VPS13D: variants seen among roughly 807,000 people sequenced by gnomAD.
VPS13D encodes intermembrane lipid transfer protein VPS13D.
VPS13D carries 187 observed loss-of-function variants against 461.9 expected under a neutral mutation model. The ratio of observed to expected loss-of-function variants is 0.40; its 90% CI spans 0.36 to 0.46. The LOEUF (loss-of-function observed/expected upper bound fraction) is 0.46, where lower values mean the gene tolerates loss of function less well. Ranked by LOEUF, VPS13D falls within the 20% of genes least tolerant of loss-of-function variation. The pLI, the probability that VPS13D is intolerant of heterozygous loss-of-function variation, is 0.60. For synonymous variants in VPS13D, 1,951 were observed against 1,986.3 expected, an observed-to-expected ratio of 0.98 and a Z score of 0.47; for missense variants, 4,711 against 5,364.9, an observed-to-expected ratio of 0.88 and a Z score of 3.81.
intron 67 of VPS13D, among the ~76,000 whole-genome samples, chr1:12,471,749 G>A (rs996903215): frequency 4.6e-5 from 7 of 152,088 alleles, no homozygotes; most frequent in Admixed American, 3.9e-4. Flanking sequence ...CTTTGATGAT[G>A]TTTCCTTTTT....
intron 40 of VPS13D, among the ~76,000 whole-genome samples, chr1:12,339,254 T>C (rs1438222610): frequency 6.6e-6 from 1 of 152,230 alleles, no homozygotes; most frequent in Non-Finnish European, 1.5e-5. Context: ...ATTATTCCTA[T>C]TTAGCTGATA....
intron 66 of VPS13D, among the ~76,000 whole-genome samples, chr1:12,458,037 T>C (rs1645353407): frequency 6.6e-6 from 1 of 152,200 alleles, no homozygotes; most frequent in Admixed American, 6.5e-5. Context: ...TCTCCTCACT[T>C]TCTGGATGAA....
intron 36 of VPS13D, 95 bp from the exon 37 acceptor site, chr1:12,329,734 G>T: frequency 1.2e-6 from 1 of 831,296 alleles, no homozygotes; most frequent in South Asian, 1.5e-5. Flanking sequence ...TCTCCTTTGC[G>T]AGTATTAGCT....
chr1:12,385,861 G>A (rs1375641933), intron 59 of VPS13D, among the ~76,000 whole-genome samples: 1 of 152,158 alleles, frequency 6.6e-6, no homozygotes, highest in Non-Finnish European at 1.5e-5. Context: ...CAGATTATGA[G>A]CTTTCATCCC....
intron 67 of VPS13D, among the ~76,000 whole-genome samples, chr1:12,479,654 A>C (rs1645686946): frequency 1.3e-5 from 2 of 152,102 alleles, no homozygotes; most frequent in Non-Finnish European, 2.9e-5. Flanking sequence ...CTGAACACAG[A>C]GTACATGCTC....
rs371152688 is a variant in VPS13D, at chr1:12,478,913, T to C, written c.12662+18517T>C. The C allele has an allele frequency of 1.0e-4, 47 of 455,098 alleles. 4 individuals carry two copies. The highest frequency in any genetic ancestry group is 7.3e-4 in the Admixed American group (31 of 42,576). The allele number at this position is 455,098 out of a possible 1,614,324, so 28.2% of individuals were successfully genotyped here. A position where few individuals can be genotyped will look rare whatever the true frequency, so the allele number is the denominator to read the frequency against. On this transcript the variant is annotated intron_variant, in intron 67 of 69. Transcript: ENST00000620676. ...GGCCGTGGAGTGCTCTTGTCAAGCT[T>C]GGGATGATGCCGTTTTCCTTCCCCA... is the stretch of plus-strand genomic sequence containing the variant.
At position 12,262,042 on chromosome 1, in the gene VPS13D, A is replaced by T; in HGVS notation, c.1556A>T (p.Gln519Leu). The T allele has an allele frequency of 6.2e-7, 1 of 1,613,600 alleles. No homozygotes were observed. Among genetic ancestry groups the T allele is most frequent in the South Asian group, 1.1e-5 (1 of 90,968 alleles). ...TTACACAAGGAGCAAGGAACTCCTC[A>T]AATGAATGAAAGTGCTTTCATGCAG... The part of the protein sequence containing the change: ...TLLHKEQGTP[Q>L]MNESAFMQLE... The change falls in exon 13 of 70, where the codon CAA (glutamine) becomes CTA (leucine). Residue 519 changes from glutamine (Q) to leucine (L), a missense_variant. Gln to Leu is a moderately radical substitution (Grantham distance 113). Around this residue, in one of 3 missense-constraint regions of VPS13D, gnomAD observed 4,411 missense variants for 4,937.8 expected, o/e 0.89. Coordinates refer to ENST00000620676, the MANE Select transcript of VPS13D (RefSeq NM_015378.4).
chr1:12,455,982 T>G lies in VPS13D; in HGVS notation c.12334-16T>G, dbSNP rs1047152047. The G allele has an allele frequency of 1.4e-5, 23 of 1,592,950 alleles. No homozygotes were observed. The highest frequency in any genetic ancestry group is 2.0e-5 in the Non-Finnish European group (23 of 1,172,846). On this transcript the variant is annotated splice_polypyrimidine_tract_variant and intron_variant, in intron 65 of 69. Coordinates refer to ENST00000620676, the MANE Select transcript of VPS13D (RefSeq NM_015378.4). ...CAAGACTTTAAAACTCTTCTCCTGC[T>G]TTTAACTCCTTCTAGTTTGCTGGAA...
rs923540737 is a variant in VPS13D, at chr1:12,424,806, C to A, written c.12333+7979C>A. 4.6e-5 allele frequency among the ~76,000 whole-genome samples: 7 copies of A among 152,080 alleles called. No homozygotes were observed. In the South Asian group the frequency reaches 8.3e-4, roughly 18 times the overall value. ...CTTTTTTTTTAAGGCCTGAACATGT[C>A]ATATTTGAGAGGAATTAACTTGATC... On this transcript the variant is annotated intron_variant, in intron 65 of 69. Transcript: ENST00000620676.
In VPS13D at chr1:12,354,158, A is replaced by T; in HGVS notation, c.9616A>T (p.Thr3206Ser). ...FYVKGMPING[T>S]LKPGKEAALH... ...TGTTAAAGGAATGCCAATTAATGGG[A>T]CGCTGAAACCTGGCAAGGAGGCAGC... Residue 3206 changes from threonine to serine, a missense_variant, in exon 47 of 70, where the codon ACG (threonine) becomes TCG (serine). Physicochemically the swap from Thr to Ser is moderately conservative, Grantham distance 58 (BLOSUM62 1). This residue lies in a region of VPS13D where 4,411 missense variants were observed against 4,937.8 expected (regional missense o/e 0.89). Transcript: ENST00000620676. 6.2e-7 allele frequency: 1 copy of T among 1,614,204 alleles called. No homozygotes were observed. The highest frequency in any genetic ancestry group is 8.5e-7 in the Non-Finnish European group (1 of 1,180,028).
At chr1:12,300,168 G>C (rs1279165621) in intron 25 of VPS13D, among the ~76,000 whole-genome samples, 3 of 148,358 alleles carry the variant, frequency 2.0e-5, no homozygotes, top group Non-Finnish European at 4.4e-5. Flanking sequence ...TCAATGTTTA[G>C]CTCCCACTTA....
At chr1:12,233,769 C>G (rs778175842) in intron 1 of VPS13D, among the ~76,000 whole-genome samples, 1 of 152,156 alleles carries the variant, frequency 6.6e-6, no homozygotes, top group Admixed American at 6.5e-5. Flanking sequence ...CATCTGCAGC[C>G]GGGCGCAGTG....
At chr1:12,437,094 C>G (rs1463893443) in intron 65 of VPS13D, among the ~76,000 whole-genome samples, 3 of 152,172 alleles carry the variant, frequency 2.0e-5, no homozygotes, top group Non-Finnish European at 4.4e-5. Flanking sequence ...CCCAAAAACC[C>G]TGACTCACTT....
intron 40 of VPS13D, among the ~76,000 whole-genome samples, chr1:12,340,022 T>C (rs1490428803): frequency 1.3e-5 from 2 of 152,158 alleles, no homozygotes; most frequent in Non-Finnish European, 2.9e-5. Context: ...TCTACTGTAA[T>C]AAAAGCAGCT....
intron 8 of VPS13D, 125 bp from the exon 9 acceptor site, chr1:12,256,862 A>G (rs1640940347): frequency 3.0e-6 from 3 of 1,006,846 alleles, no homozygotes; most frequent in East Asian, 5.1e-5. Flanking sequence ...TTGGTCTTTC[A>G]GTTTGCACTG....
At chr1:12,438,735 A>C (rs973611424) in intron 65 of VPS13D, among the ~76,000 whole-genome samples, 4 of 152,226 alleles carry the variant, frequency 2.6e-5, no homozygotes, top group African/African-American at 9.6e-5. Flanking sequence ...GGACGCTTGC[A>C]CGTTAGAGCT....
chr1:12,364,886 T>C (rs1644009673), intron 52 of VPS13D, among the ~76,000 whole-genome samples: 1 of 152,236 alleles, frequency 6.6e-6, no homozygotes, highest in African/African-American at 2.4e-5. Context: ...AAGCGTTTTA[T>C]AGTTTTAGCT....
At chr1:12,423,078 G>A (rs929892404) in intron 65 of VPS13D, among the ~76,000 whole-genome samples, 5 of 152,130 alleles carry the variant, frequency 3.3e-5, no homozygotes, top group Non-Finnish European at 4.4e-5. Context: ...GGTTGGTTGT[G>A]GCTGTCACTG....
At chr1:12,349,445 C>T in intron 46 of VPS13D, 71 bp downstream of exon 46, 1 of 1,396,316 alleles carries the variant, frequency 7.2e-7, no homozygotes, top group Non-Finnish European at 1.0e-6. Flanking sequence ...TATTACCATT[C>T]TTTCTCTAAA....
Sources: allele counts gnomAD v4.1 joint callset (sites outside exome capture counted in the v4.1 genomes callset), GRCh38; gene constraint gnomAD v4.1.1; regional missense constraint gnomAD v4.1.1; transcripts MANE v1.5; gene names NCBI Gene and HGNC (gene_info 2026-07-23, HGNC 2026-07-21).